Variants in SPATA7 observed in about 807,000 individuals in gnomAD.
SPATA7 encodes spermatogenesis-associated protein 7.
In SPATA7, 43 loss-of-function variants were observed where a neutral mutation model predicts 51.8. The ratio of observed to expected loss-of-function variants is 0.83; its 90% CI spans 0.65 to 1.07. SPATA7 has a LOEUF of 1.07. Among genes scored for constraint, SPATA7 ranks in the 50% least tolerant of loss-of-function variants. The probability of loss-of-function intolerance (pLI) is 0.00; values close to 1 mark genes in which losing one functional copy is unlikely to be tolerated. For missense variants in SPATA7, 683 were observed against 701.3 expected (o/e 0.97, Z 0.30); for synonymous variants, 230 against 252.8 (o/e 0.91, Z 0.86).
intron 8 of SPATA7, 87 bp downstream of exon 8, chr14:88,429,550 A>C: frequency 1.3e-6 from 1 of 785,468 alleles, no homozygotes; most frequent in Non-Finnish European, 2.2e-6. Context: ...CATAAGTACT[A>C]TTTAATTGCA....
At chr14:88,452,205 A>C (rs1028935717) in intron 3 of SPATA7, among the ~76,000 whole-genome samples, 1 of 152,056 alleles carries the variant, frequency 6.6e-6, no homozygotes. Context: ...GGATCTAGTC[A>C]CCCAGCAGGG....
At chr14:88,463,104 A>G (rs1214226493) in intron 4 of SPATA7, among the ~76,000 whole-genome samples, 4 of 152,246 alleles carry the variant, frequency 2.6e-5, no homozygotes, top group East Asian at 1.9e-4. Flanking sequence ...CCCTCTATAT[A>G]ATAGCATTTG....
chr14:88,416,508 TGTTA>T (rs1479270666), intron 4 of SPATA7, 199 bp from the exon 5 acceptor site: 9 of 460,144 alleles, frequency 2.0e-5, no homozygotes, highest in East Asian at 1.1e-4. Flanking sequence ...AAATTAAATG[TGTTA>T]GTTAATATCT....
intron 4 of SPATA7, among the ~76,000 whole-genome samples, chr14:88,409,045 T>G (rs1185138608): frequency 2.0e-5 from 3 of 152,166 alleles, no homozygotes; most frequent in Admixed American, 6.5e-5. Context: ...TCAATGTTAG[T>G]CAGGAATATT....
In SPATA7 at chr14:88,446,404, A is replaced by G. The variant is rs1364933906; in HGVS notation, c.177+8501A>G. ...TGTTTATTAGTCTTGCTAGCAGTCT[A>G]TCAATTTTGTTGATCCTTTCAAAAA... On this transcript the variant is annotated intron_variant, in intron 3 of 3. Transcript: ENST00000554802. 2.0e-5 allele frequency among the ~76,000 whole-genome samples: 3 copies of G among 152,098 alleles called. No homozygotes were observed. The East Asian group carries it at 5.8e-4, about 29-fold the overall frequency.
Position 88,437,617 on chromosome 14 carries a change from T to C in SPATA7, c.1215+20T>C. On this transcript the variant is annotated intron_variant, in intron 11 of 11. Coordinates refer to ENST00000393545, the MANE Select transcript of SPATA7 (RefSeq NM_018418.5). Reference sequence around the variant, plus strand: ...GAGGAGGTTTGTCTTTCCTTATAACTTCATTAGAAAAATTATAATGTAAAA... The same window carrying C: ...GAGGAGGTTTGTCTTTCCTTATAACCTCATTAGAAAAATTATAATGTAAAA... 1 of 1,568,320 alleles carries C rather than the reference T, an allele frequency of 6.4e-7. No homozygotes were observed. The highest frequency in any genetic ancestry group is 8.8e-7 in the Non-Finnish European group (1 of 1,141,938).
intron 4 of SPATA7, among the ~76,000 whole-genome samples, chr14:88,463,997 T>C (rs1246870169): frequency 1.3e-5 from 2 of 152,054 alleles, no homozygotes; most frequent in South Asian, 2.1e-4. Context: ...CGTGCCACCA[T>C]GCCCAGCTAA....
intron 1 of SPATA7, among the ~76,000 whole-genome samples, chr14:88,388,131 G>C (rs1438275529): frequency 6.6e-6 from 1 of 152,124 alleles, no homozygotes; most frequent in Non-Finnish European, 1.5e-5. Context: ...GAACCTGGGA[G>C]GGGGAGGTTG....
At chr14:88,393,871 C>G (rs905222872) in intron 3 of SPATA7, among the ~76,000 whole-genome samples, 1 of 151,954 alleles carries the variant, frequency 6.6e-6, no homozygotes, top group African/African-American at 2.4e-5. Flanking sequence ...ATAAAACTTA[C>G]ATTATAAAAT....
At chr14:88,393,063 C>G (rs1055349924) in intron 2 of SPATA7, among the ~76,000 whole-genome samples, 3 of 151,772 alleles carry the variant, frequency 2.0e-5, no homozygotes, top group Admixed American at 2.0e-4. Context: ...ACTAATTAAG[C>G]AAGCAGCTAA....
intron 4 of SPATA7, chr14:88,466,342 A>G (rs936217350): frequency 3.3e-5 from 5 of 152,098 alleles, no homozygotes; most frequent in Admixed American, 6.5e-5. Context: ...GTTTTCATTA[A>G]TATCTTCTGA....
chr14:88,431,247 C>T (rs373199356), intron 9 of SPATA7, 22 bp downstream of exon 9: 15 of 1,601,450 alleles, frequency 9.4e-6, no homozygotes, highest in South Asian at 4.4e-5. Flanking sequence ...TTTAAGTCTT[C>T]GTTTTGCATA....
rs1199435277 is a variant in SPATA7, at chr14:88,437,705, C to A, written c.1215+108C>A. 6 of 1,343,800 alleles carry A rather than the reference C, an allele frequency of 4.5e-6. No individual in the cohort carries two copies. In the South Asian group the frequency reaches 8.0e-5, roughly 18 times the overall value. The allele number at this position is 1,343,800 out of a possible 1,614,324, so 83.2% of individuals were successfully genotyped here. A position where few individuals can be genotyped will look rare whatever the true frequency, so the allele number is the denominator to read the frequency against. ...ATTAAAAGCAAGTGCTTTTTTTTTCCCTTGAACTTTTTTGAGGGTGGTGGT... is the reference window on the plus strand; with the variant it reads ...ATTAAAAGCAAGTGCTTTTTTTTTCACTTGAACTTTTTTGAGGGTGGTGGT... On this transcript the variant is annotated intron_variant, in intron 11 of 11. Coordinates refer to ENST00000393545, the MANE Select transcript of SPATA7 (RefSeq NM_018418.5).
intron 5 of SPATA7, among the ~76,000 whole-genome samples, chr14:88,425,941 C>T (rs2076777722): frequency 6.6e-6 from 1 of 152,054 alleles, no homozygotes; most frequent in African/African-American, 2.4e-5. Context: ...CTGACATCTC[C>T]CAATAAATCT....
chr14:88,418,480 T>C (rs2076546621), intron 5 of SPATA7, among the ~76,000 whole-genome samples: 1 of 151,822 alleles, frequency 6.6e-6, no homozygotes, highest in Non-Finnish European at 1.5e-5. Context: ...TGTTTGTTTT[T>C]GTTTTGTTTT....
intron 3 of SPATA7, among the ~76,000 whole-genome samples, chr14:88,453,440 A>G (rs1016031735): frequency 1.3e-5 from 2 of 152,206 alleles, no homozygotes; most frequent in Admixed American, 6.5e-5. Context: ...TAGGAAGTCA[A>G]TAAGTAAAGA....
chr14:88,412,467 G>A (rs1460115803), intron 4 of SPATA7, among the ~76,000 whole-genome samples: 2 of 152,156 alleles, frequency 1.3e-5, no homozygotes, highest in African/African-American at 4.8e-5. Flanking sequence ...GATGTAGGCT[G>A]TGAGAGTAGG....
chr14:88,423,564 G>C (rs1209581666), intron 5 of SPATA7, among the ~76,000 whole-genome samples: 1 of 151,124 alleles, frequency 6.6e-6, no homozygotes, highest in African/African-American at 2.4e-5. Flanking sequence ...AAAAAAATCT[G>C]GGAAACTTTT....
downstream of SPATA7, among the ~76,000 whole-genome samples, chr14:88,441,280 C>G (rs961884884): frequency 1.3e-5 from 2 of 152,158 alleles, no homozygotes. Flanking sequence ...CATATTTTTG[C>G]AATTGTGAAT....
Sources: allele counts gnomAD v4.1 joint callset (sites outside exome capture counted in the v4.1 genomes callset), GRCh38; gene constraint gnomAD v4.1.1; transcripts MANE v1.5; gene names NCBI Gene and HGNC (gene_info 2026-07-23, HGNC 2026-07-21).